Variants in SLC35D2 observed in about 807,000 individuals in gnomAD.
SLC35D2 encodes nucleotide sugar transporter SLC35D2.
SLC35D2 carries 43 observed loss-of-function variants against 41.8 expected under a neutral mutation model. That is an observed-to-expected ratio of 1.03 (90% CI 0.81 to 1.33). SLC35D2 has a LOEUF of 1.33. Among genes scored for constraint, SLC35D2 ranks in the 40% most tolerant of loss-of-function variants. SLC35D2 has a pLI of 0.00. For synonymous variants in SLC35D2, 150 were observed against 163.9 expected, an observed-to-expected ratio of 0.92 and a Z score of 0.65; for missense variants, 380 against 408.4, an observed-to-expected ratio of 0.93 and a Z score of 0.60.
rs764276880 is a variant in SLC35D2, at chr9:96,321,360, G to T, written c.915-19C>A. 33 of 1,583,878 alleles carry T rather than the reference G, an allele frequency of 2.1e-5. No individual in the cohort carries two copies. The South Asian group carries it at 3.3e-4, about 16-fold the overall frequency. On this transcript the variant is annotated intron_variant, in intron 11 of 11. Coordinates refer to ENST00000253270, the MANE Select transcript of SLC35D2 (RefSeq NM_007001.3). The stretch of plus-strand genomic sequence containing the variant: ...TGCCATGCTGAAAGGAGAAAAAAAA[G>T]TGAAAATAAATGACTGGGAATTTCA...
chr9:96,343,850 A>G, intron 8 of SLC35D2, 54 bp downstream of exon 8: 1 of 1,184,722 alleles, frequency 8.4e-7, no homozygotes, highest in South Asian at 1.5e-5. Context: ...AATGTTAAAT[A>G]TTAAATTTTT....
chr9:96,380,972 A>G (rs1385180817), intron 1 of SLC35D2, among the ~76,000 whole-genome samples: 3 of 152,172 alleles, frequency 2.0e-5, no homozygotes, highest in African/African-American at 7.2e-5. Context: ...ACCAAAAAAT[A>G]TCCCAAATCC....
At chr9:96,375,234 C>T (rs1215619138) in intron 1 of SLC35D2, among the ~76,000 whole-genome samples, 2 of 151,578 alleles carry the variant, frequency 1.3e-5, no homozygotes, top group Non-Finnish European at 2.9e-5. Flanking sequence ...TCAGGTGATC[C>T]GCCCACCTGA....
intron 8 of SLC35D2, among the ~76,000 whole-genome samples, chr9:96,338,930 A>C (rs965333598): frequency 6.6e-6 from 1 of 152,234 alleles, no homozygotes; most frequent in African/African-American, 2.4e-5. Flanking sequence ...ATTTCAAACC[A>C]AGGGTAGAAA....
chr9:96,348,440 TTGGACAGCG>T (rs1385916625), intron 6 of SLC35D2, among the ~76,000 whole-genome samples: 6 of 152,292 alleles, frequency 3.9e-5, no homozygotes, highest in African/African-American at 1.4e-4. Flanking sequence ...CTGCCTAGTG[TTGGACAGCG>T]TGGATGGCGT....
At chr9:96,329,616 C>T (rs1403867205) in intron 9 of SLC35D2, among the ~76,000 whole-genome samples, 2 of 152,194 alleles carry the variant, frequency 1.3e-5, no homozygotes, top group East Asian at 1.9e-4. Context: ...CTGTGGCCCA[C>T]GGATTTTGTA....
At chr9:96,325,880 C>T (rs1186507808) in intron 9 of SLC35D2, among the ~76,000 whole-genome samples, 1 of 152,120 alleles carries the variant, frequency 6.6e-6, no homozygotes, top group East Asian at 1.9e-4. Context: ...CAGTCACAAA[C>T]CTTCAACACG....
intron 9 of SLC35D2, among the ~76,000 whole-genome samples, chr9:96,335,737 C>T (rs1587846295): frequency 6.6e-6 from 1 of 152,100 alleles, no homozygotes; most frequent in African/African-American, 2.4e-5. Flanking sequence ...GGTCTCTCAA[C>T]CAGAAGATAT....
intron 9 of SLC35D2, among the ~76,000 whole-genome samples, chr9:96,332,493 T>C (rs1828851017): frequency 6.6e-6 from 1 of 152,142 alleles, no homozygotes; most frequent in African/African-American, 2.4e-5. Flanking sequence ...GTAAAGTTCA[T>C]GTTGGCCGGG....
chr9:96,366,809 T>C (rs904811270), intron 2 of SLC35D2, among the ~76,000 whole-genome samples: 1 of 151,764 alleles, frequency 6.6e-6, no homozygotes, highest in African/African-American at 2.4e-5. Flanking sequence ...TTTTTCCTAA[T>C]ATTTTTACAT....
chr9:96,348,058 T>C (rs898256377), intron 6 of SLC35D2, among the ~76,000 whole-genome samples: 1 of 152,152 alleles, frequency 6.6e-6, no homozygotes, highest in Non-Finnish European at 1.5e-5. Flanking sequence ...GCCATTCTTT[T>C]ATTCCTTTAC....
At chr9:96,366,201 C>CTGAGT (rs1171681410) in intron 2 of SLC35D2, among the ~76,000 whole-genome samples, 1 of 150,280 alleles carries the variant, frequency 6.7e-6, no homozygotes, top group Non-Finnish European at 1.5e-5. Context: ...ACTTGAAAGG[C>CTGAGT]TGAGGCAGGA....
downstream of SLC35D2, among the ~76,000 whole-genome samples, chr9:96,320,251 C>T (rs763158694): frequency 5.3e-5 from 8 of 152,298 alleles, no homozygotes; most frequent in East Asian, 3.9e-4. Flanking sequence ...CGGTGGCTCA[C>T]GCCTGTGATC....
intron 1 of SLC35D2, among the ~76,000 whole-genome samples, chr9:96,381,914 T>C (rs1353140798): frequency 6.6e-6 from 1 of 152,122 alleles, no homozygotes; most frequent in East Asian, 1.9e-4. Flanking sequence ...CACTTGCTGC[T>C]CACTTCTACC....
Position 96,343,941 on chromosome 9 carries a change from G to T in SLC35D2, c.647C>A (p.Thr216Asn), listed in dbSNP as rs781736772. Residue 216 changes from threonine (T) to asparagine (N), a missense_variant, in exon 8 of 12, where the codon ACT (threonine) becomes AAT (asparagine). Physicochemically the swap from Thr to Asn is moderately conservative, Grantham distance 65. Transcript: ENST00000253270. ...FYNACFMIIP[T>N]LIISVSTGDL... ...TCCAGTGGAGACACTAATAATAAGA[G>T]TTGGGATAATCATGAAGCAGGCATT... 1.3e-6 allele frequency: 2 copies of T among 1,599,266 alleles called. No individual in the cohort carries two copies. The highest frequency in any genetic ancestry group is 1.7e-6 in the Non-Finnish European group (2 of 1,174,332).
Position 96,321,234 on chromosome 9 carries a change from CAGACTCTTT to C in SLC35D2, c.1013_*7del, listed in dbSNP as rs1426864417. 6.3e-7 allele frequency: 1 copy of C among 1,597,664 alleles called. No individual in the cohort carries two copies. The highest frequency in any genetic ancestry group is 1.3e-5 in the African/African-American group (1 of 74,586). ...CACAAGTCAGTCTCCAATCCTGCTG[CAGACTCTTT>C]AGCTCTTCAAATCCAAACAGATGTT... On this transcript the variant is annotated stop_lost and 3_prime_UTR_variant, in exon 12 of 12. Coordinates refer to ENST00000253270, the MANE Select transcript of SLC35D2 (RefSeq NM_007001.3).
intron 1 of SLC35D2, among the ~76,000 whole-genome samples, chr9:96,379,040 G>C (rs1831076822): frequency 6.6e-6 from 1 of 151,954 alleles, no homozygotes; most frequent in Non-Finnish European, 1.5e-5. Context: ...GCTCACACCT[G>C]TAATCCCAGC....
intron 9 of SLC35D2, among the ~76,000 whole-genome samples, chr9:96,328,821 CA>C (rs1024349163): frequency 4.6e-5 from 7 of 152,134 alleles, no homozygotes; most frequent in Non-Finnish European, 8.8e-5. Flanking sequence ...TTCCAGATTT[CA>C]AAGAATTCCA....
intron 8 of SLC35D2, 143 bp downstream of exon 8, chr9:96,343,761 G>T: frequency 3.9e-6 from 2 of 516,944 alleles, no homozygotes; most frequent in Non-Finnish European, 6.8e-6. Context: ...GGTGTTACTA[G>T]GGATATCAAA....
Sources: gnomAD v4.1 joint callset for allele counts (sites outside exome capture counted in the v4.1 genomes callset) on GRCh38, gnomAD v4.1.1 for gene constraint, MANE v1.5 for transcripts, NCBI Gene and HGNC (gene_info 2026-07-23, HGNC 2026-07-21) for gene names.